Variants in SNX29 observed in about 807,000 individuals in gnomAD.
SNX29 encodes sorting nexin-29.
In SNX29, 78 loss-of-function variants were observed where a neutral mutation model predicts 102.1. The ratio of observed to expected loss-of-function variants is 0.76; its 90% CI spans 0.64 to 0.92. The LOEUF is 0.92. SNX29 is among the 40% of genes least tolerant of loss of function. The pLI, the probability that SNX29 is intolerant of heterozygous loss-of-function variation, is 0.00. For synonymous variants in SNX29, 580 were observed against 414.5 expected, an observed-to-expected ratio of 1.40 and a Z score of -4.85; for missense variants, 1,280 against 1,061.7, an observed-to-expected ratio of 1.21 and a Z score of -2.86.
chr16:12,536,194 G>C (rs2077074096), intron 20 of SNX29, among the ~76,000 whole-genome samples: 1 of 152,140 alleles, frequency 6.6e-6, no homozygotes, highest in Admixed American at 6.5e-5. Context: ...GAAGATAAAG[G>C]AGGTTACGGC....
chr16:12,019,630 A>T (rs1003428153), intron 3 of SNX29, among the ~76,000 whole-genome samples: 5 of 151,034 alleles, frequency 3.3e-5, no homozygotes, highest in Non-Finnish European at 7.4e-5. Context: ...ATAGATATAG[A>T]TATATAATTT....
chr16:12,004,568 A>C (rs764227351), intron 3 of SNX29, among the ~76,000 whole-genome samples: 17 of 151,948 alleles, frequency 1.1e-4, no homozygotes, highest in Non-Finnish European at 2.1e-4. Flanking sequence ...CCTGTGTGGG[A>C]AGGAAAGGGA....
intron 19 of SNX29, among the ~76,000 whole-genome samples, chr16:12,482,043 T>C (rs1163064432): frequency 1.3e-5 from 2 of 152,218 alleles, no homozygotes; most frequent in Non-Finnish European, 2.9e-5. Context: ...GCCAAGCTTA[T>C]GCTGGCCTCA....
intron 19 of SNX29, among the ~76,000 whole-genome samples, chr16:12,522,381 G>C (rs747933399): frequency 7.9e-5 from 12 of 152,176 alleles, no homozygotes; most frequent in Non-Finnish European, 1.2e-4. Flanking sequence ...GCCTTGGCAA[G>C]GCTTTGTGGG....
chr16:12,218,921 C>T (rs1169080368), intron 14 of SNX29, among the ~76,000 whole-genome samples: 1 of 152,146 alleles, frequency 6.6e-6, no homozygotes, highest in Non-Finnish European at 1.5e-5. Context: ...ACTAAAGGCA[C>T]CTGCCACCAG....
intron 18 of SNX29, among the ~76,000 whole-genome samples, chr16:12,448,989 G>C (rs886495385): frequency 6.6e-6 from 1 of 152,174 alleles, no homozygotes; most frequent in African/African-American, 2.4e-5. Context: ...TGCAGGGCAG[G>C]TTTGCATTGA....
intron 10 of SNX29, among the ~76,000 whole-genome samples, chr16:12,070,136 A>G (rs2051228404): frequency 6.6e-6 from 1 of 152,190 alleles, no homozygotes; most frequent in Non-Finnish European, 1.5e-5. Context: ...TGTTTTTTCA[A>G]ATAAAGTATC....
rs1372272409 is a variant in SNX29 at position 12,051,781 on chromosome 16, G to T, written c.749-66G>T. On this transcript the variant is annotated intron_variant, in intron 7 of 20. Coordinates refer to ENST00000566228, the MANE Select transcript of SNX29 (RefSeq NM_032167.5). ...ATTTTCCATAACCTGGAGGTGAGTT[G>T]GTTCCATCATCCTTTTGTCTTGCCT... 23 of 1,573,432 alleles carry T rather than the reference G, an allele frequency of 1.5e-5. 2 individuals carry two copies. In the East Asian group the frequency reaches 3.1e-4, roughly 21 times the overall value.
intron 13 of SNX29, among the ~76,000 whole-genome samples, chr16:12,143,994 T>C (rs918040349): frequency 1.3e-5 from 2 of 152,164 alleles, no homozygotes. Context: ...TTCTCAAACC[T>C]TAATGTACCC....
At chr16:12,140,646 C>G (rs1361331300) in intron 13 of SNX29, among the ~76,000 whole-genome samples, 1 of 152,096 alleles carries the variant, frequency 6.6e-6, no homozygotes, top group Non-Finnish European at 1.5e-5. Flanking sequence ...TGCTGTCACT[C>G]TTGTGCCAGC....
chr16:12,569,298 C>G lies in SNX29; in HGVS notation c.*669C>G, dbSNP rs560622203. On this transcript the variant is annotated 3_prime_UTR_variant, in exon 21 of 21. Coordinates refer to ENST00000566228, the MANE Select transcript of SNX29 (RefSeq NM_032167.5). Reference sequence around the variant, plus strand: ...AGAACTTCCCCTACCTCCCCCATGGCTGGCTTCAGGAAGGACCAGTGCCCT... The same window carrying G: ...AGAACTTCCCCTACCTCCCCCATGGGTGGCTTCAGGAAGGACCAGTGCCCT... 4.8e-5 allele frequency: 11 copies of G among 229,418 alleles called. No individual in the cohort carries two copies. The highest frequency in any genetic ancestry group is 4.0e-4 in the Admixed American group (7 of 17,644). The allele number at this position is 229,418 out of a possible 1,614,324, so 14.2% of individuals were successfully genotyped here. A position where few individuals can be genotyped will look rare whatever the true frequency, so the allele number is the denominator to read the frequency against.
intron 3 of SNX29, 80 bp downstream of exon 3, chr16:12,003,123 C>A: frequency 6.4e-7 from 1 of 1,573,398 alleles, no homozygotes; most frequent in South Asian, 1.1e-5. Context: ...AAACCGTTGA[C>A]CATCGAGGTT....
At chr16:12,128,928 G>A (rs1395671813) in intron 12 of SNX29, among the ~76,000 whole-genome samples, 1 of 152,190 alleles carries the variant, frequency 6.6e-6, no homozygotes, top group Non-Finnish European at 1.5e-5. Flanking sequence ...TAGAAGACCT[G>A]CTGTCTTCTC....
At chr16:12,547,175 C>T (rs1407048720) in intron 20 of SNX29, among the ~76,000 whole-genome samples, 1 of 152,156 alleles carries the variant, frequency 6.6e-6, no homozygotes, top group African/African-American at 2.4e-5. Context: ...TGTTTATGGT[C>T]TAGGAAGATG....
chr16:12,531,210 GC>G (rs1258758084), intron 20 of SNX29, among the ~76,000 whole-genome samples: 1 of 152,196 alleles, frequency 6.6e-6, no homozygotes, highest in Non-Finnish European at 1.5e-5. Flanking sequence ...GAAGCAGGGA[GC>G]CCCAAGTCAT....
At chr16:12,201,374 T>C (rs73521857) in intron 14 of SNX29, among the ~76,000 whole-genome samples, 2,966 of 152,342 alleles carry the variant, frequency 0.019, 96 homozygotes, top group African/African-American at 0.067. Flanking sequence ...ATAGTATTTG[T>C]CTAGCCCTTT....
At chr16:12,234,227 T>C (rs1242951006) in intron 14 of SNX29, among the ~76,000 whole-genome samples, 1 of 152,166 alleles carries the variant, frequency 6.6e-6, no homozygotes, top group Non-Finnish European at 1.5e-5. Flanking sequence ...CTTTTTTTTA[T>C]TGTAGCCATC....
At chr16:12,202,531 A>G (rs970289292) in intron 14 of SNX29, among the ~76,000 whole-genome samples, 3 of 152,204 alleles carry the variant, frequency 2.0e-5, no homozygotes, top group Non-Finnish European at 4.4e-5. Flanking sequence ...GGGCTGCCAT[A>G]TCTACCAGGA....
chr16:12,168,462 C>G (rs928852439), intron 13 of SNX29, among the ~76,000 whole-genome samples: 1 of 152,130 alleles, frequency 6.6e-6, no homozygotes, highest in African/African-American at 2.4e-5. Context: ...AATCTAAGCC[C>G]CATGTTGTTG....
Sources: gnomAD v4.1 joint callset for allele counts (sites outside exome capture counted in the v4.1 genomes callset) on GRCh38, gnomAD v4.1.1 for gene constraint, MANE v1.5 for transcripts, NCBI Gene and HGNC (gene_info 2026-07-23, HGNC 2026-07-21) for gene names.